Variants in EHMT1 observed in about 807,000 individuals in gnomAD.
The protein encoded by EHMT1 is euchromatic histone lysine methyltransferase 1.
A neutral mutation model predicts 147.2 loss-of-function variants in EHMT1; 15 were observed. That is an observed-to-expected ratio of 0.10 (90% CI 0.07 to 0.16). The LOEUF (loss-of-function observed/expected upper bound fraction) is 0.16. EHMT1 is among the 10% of genes least tolerant of loss of function. The pLI is 1.00. For missense variants in EHMT1, 1,587 were observed against 1,772.4 expected, an observed-to-expected ratio of 0.90 and a Z score of 1.88; for synonymous variants, 795 against 709.6, an observed-to-expected ratio of 1.12 and a Z score of -1.91.
intron 1 of EHMT1, among the ~76,000 whole-genome samples, chr9:137,699,137 C>T (rs926265388): frequency 2.0e-5 from 3 of 152,092 alleles, no homozygotes; most frequent in Non-Finnish European, 2.9e-5. Flanking sequence ...GGCGCGCTGC[C>T]GTCTTCTCTG....
chr9:137,827,281 C>T (rs1364766750), intron 25 of EHMT1, among the ~76,000 whole-genome samples: 1 of 152,162 alleles, frequency 6.6e-6, no homozygotes, highest in Non-Finnish European at 1.5e-5. Context: ...TGGTCCCCAC[C>T]CACCCGAGGC....
At chr9:137,834,611 T>G in intron 26 of EHMT1, 87 bp downstream of exon 26, 1 of 1,598,392 alleles carries the variant, frequency 6.3e-7, no homozygotes, top group South Asian at 1.1e-5. Flanking sequence ...TGGGCTTGTC[T>G]CGGGTTTATG....
chr9:137,768,292 G>T (rs920444217), intron 10 of EHMT1, among the ~76,000 whole-genome samples: 1 of 149,886 alleles, frequency 6.7e-6, no homozygotes, highest in Admixed American at 6.7e-5. Context: ...GGCTAACATC[G>T]TAATAGTTTT....
At chr9:137,781,048 C>T (rs71485028) in intron 14 of EHMT1, among the ~76,000 whole-genome samples, 7 of 122,216 alleles carry the variant, frequency 5.7e-5, no homozygotes, top group East Asian at 2.3e-4. Context: ...GTGATGACGC[C>T]GAGACGTGTG....
intron 4 of EHMT1, among the ~76,000 whole-genome samples, chr9:137,736,312 A>G (rs1364560346): frequency 2.0e-5 from 3 of 152,270 alleles, no homozygotes; most frequent in East Asian, 1.9e-4. Flanking sequence ...ATGATAGACT[A>G]TCAAGATACA....
intron 18 of EHMT1, among the ~76,000 whole-genome samples, chr9:137,810,588 A>G (rs1364273449): frequency 6.6e-6 from 1 of 152,100 alleles, no homozygotes; most frequent in East Asian, 1.9e-4. Flanking sequence ...TCAGAATTAC[A>G]GTGTTCTAAT....
At chr9:137,717,369 G>T in intron 3 of EHMT1, 187 bp downstream of exon 3, 1 of 770,792 alleles carries the variant, frequency 1.3e-6, no homozygotes, top group Non-Finnish European at 2.1e-6. Context: ...TTGGGAGGCT[G>T]AGGCGGGTGG....
chr9:137,715,722 C>T (rs964610104), intron 2 of EHMT1: 1 of 985,254 alleles, frequency 1.0e-6, no homozygotes, highest in Non-Finnish European at 1.2e-6. Context: ...GAGAGTGAGC[C>T]TCTGTAGGGA....
intron 1 of EHMT1, among the ~76,000 whole-genome samples, chr9:137,643,668 T>C (rs1844674572): frequency 6.6e-6 from 1 of 152,132 alleles, no homozygotes; most frequent in African/African-American, 2.4e-5. Context: ...TTTTTAGTAC[T>C]CTGAGGGTAT....
intron 4 of EHMT1, among the ~76,000 whole-genome samples, chr9:137,729,217 A>ATGC (rs972420315): frequency 5.9e-5 from 9 of 152,148 alleles, no homozygotes; most frequent in Admixed American, 1.3e-4. Context: ...GCCCTCGTGA[A>ATGC]TGCTGCTGCT....
intron 6 of EHMT1, among the ~76,000 whole-genome samples, chr9:137,751,352 C>T (rs186223719): frequency 1.3e-5 from 2 of 152,316 alleles, no homozygotes; most frequent in East Asian, 1.9e-4. Flanking sequence ...ACAGGGGTCT[C>T]GCTGTGTTGC....
chr9:137,792,986 C>T (rs1478524573), intron 16 of EHMT1, among the ~76,000 whole-genome samples: 5 of 152,154 alleles, frequency 3.3e-5, no homozygotes, highest in Non-Finnish European at 7.3e-5. Context: ...GTAGATGACC[C>T]GCTTCTGGGT....
chr9:137,659,494 C>T (rs4979652), intron 1 of EHMT1, among the ~76,000 whole-genome samples: 33,905 of 151,844 alleles, frequency 0.22, 4,163 homozygotes, highest in Admixed American at 0.33. Flanking sequence ...GTCCTCCCAC[C>T]TCAGCCTTTC....
At chr9:137,620,972 A>AAG (rs1455457295) in intron 1 of EHMT1, among the ~76,000 whole-genome samples, 2 of 152,154 alleles carry the variant, frequency 1.3e-5, no homozygotes, top group African/African-American at 4.8e-5. Flanking sequence ...CAGCAACCTT[A>AAG]AGAGGTAGGT....
intron 4 of EHMT1, among the ~76,000 whole-genome samples, chr9:137,736,590 T>A (rs955985073): frequency 2.6e-5 from 4 of 152,250 alleles, no homozygotes; most frequent in Non-Finnish European, 4.4e-5. Flanking sequence ...CAATGTTGAT[T>A]TTAAAATACA....
At chr9:137,780,149 C>T (rs1161221270) in intron 14 of EHMT1, among the ~76,000 whole-genome samples, 2 of 127,468 alleles carry the variant, frequency 1.6e-5, no homozygotes, top group African/African-American at 6.5e-5. Flanking sequence ...GTGGTGATGA[C>T]GCTGAGATGT....
In EHMT1 at chr9:137,788,527, G is replaced by A. The variant is rs528495419; in HGVS notation, c.2383-2321G>A. The A allele has an allele frequency of 3.8e-5, 6 of 156,974 alleles. No homozygotes were observed. The South Asian group carries it at 1.2e-3, about 30-fold the overall frequency. 9.7% of individuals were successfully genotyped at this position (156,974 alleles called of 1,614,324 possible). On this transcript the variant is annotated intron_variant, in intron 15 of 26. Transcript: ENST00000460843. ...GTGTAGGGGTCCTTGCAGGTGCAGG[G>A]ATCTTGTAGGTGAAGGGAGGTTGCA...
At chr9:137,834,576 A>C in intron 26 of EHMT1, 52 bp downstream of exon 26, 1 of 1,606,148 alleles carries the variant, frequency 6.2e-7, no homozygotes, top group South Asian at 1.1e-5. Flanking sequence ...GGACGGTTTT[A>C]GGAACGGGGC....
At chr9:137,833,390 G>A (rs1956358559) in intron 25 of EHMT1, among the ~76,000 whole-genome samples, 4 of 152,254 alleles carry the variant, frequency 2.6e-5, no homozygotes, top group Admixed American at 2.6e-4. Context: ...GCGCAGCAGG[G>A]GTTGGGCGTG....
Sources: gnomAD v4.1 joint callset for allele counts (sites outside exome capture counted in the v4.1 genomes callset) on GRCh38, gnomAD v4.1.1 for gene constraint, MANE v1.5 for transcripts, NCBI Gene and HGNC (gene_info 2026-07-23, HGNC 2026-07-21) for gene names.